ANKS1B: variants seen among roughly 807,000 people sequenced by gnomAD.
The protein encoded by ANKS1B is ankyrin repeat and sterile alpha motif domain-containing protein 1B.
ANKS1B carries 36 observed loss-of-function variants against 148.3 expected under a neutral mutation model. That is an observed-to-expected ratio of 0.24 (90% CI 0.19 to 0.32). The LOEUF (loss-of-function observed/expected upper bound fraction) is 0.32. Among genes scored for constraint, ANKS1B ranks in the 10% least tolerant of loss-of-function variants. The pLI is 1.00. For missense variants in ANKS1B, 1,157 were observed against 1,542.6 expected, an observed-to-expected ratio of 0.75 and a Z score of 4.19; for synonymous variants, 542 against 560.8, an observed-to-expected ratio of 0.97 and a Z score of 0.47.
chr12:99,380,483 A>C (rs922089157), intron 12 of ANKS1B, among the ~76,000 whole-genome samples: 1 of 152,208 alleles, frequency 6.6e-6, no homozygotes, highest in African/African-American at 2.4e-5. Flanking sequence ...GGCATCAAGA[A>C]AGGCAGGAAC....
chr12:99,939,420 G>A (rs951186487), intron 1 of ANKS1B, among the ~76,000 whole-genome samples: 1 of 151,924 alleles, frequency 6.6e-6, no homozygotes, highest in Admixed American at 6.6e-5. Flanking sequence ...TGTAGAGACA[G>A]GGGTCTCACT....
At chr12:99,598,308 A>G (rs1053043930) in intron 9 of ANKS1B, among the ~76,000 whole-genome samples, 2 of 152,106 alleles carry the variant, frequency 1.3e-5, no homozygotes, top group African/African-American at 4.8e-5. Flanking sequence ...CAGTGAAGAG[A>G]CAGTCATAAA....
chr12:99,011,752 C>G (rs1188653733), intron 17 of ANKS1B, among the ~76,000 whole-genome samples: 1 of 152,184 alleles, frequency 6.6e-6, no homozygotes, highest in Non-Finnish European at 1.5e-5. Context: ...TAGTCACAAA[C>G]TGTCAGTAAC....
chr12:99,880,876 G>A (rs77628647), intron 1 of ANKS1B, among the ~76,000 whole-genome samples: 11,880 of 152,248 alleles, frequency 0.078, 546 homozygotes, highest in South Asian at 0.12. Context: ...CTAAAATGGA[G>A]CATGAATACA....
chr12:99,292,740 A>G (rs1233129680), intron 12 of ANKS1B, among the ~76,000 whole-genome samples: 1 of 152,228 alleles, frequency 6.6e-6, no homozygotes, highest in Admixed American at 6.5e-5. Context: ...GCCAACAGAC[A>G]CAAGGAAAAA....
chr12:99,674,053 C>T (rs1463625482), intron 8 of ANKS1B, among the ~76,000 whole-genome samples: 1 of 151,516 alleles, frequency 6.6e-6, no homozygotes, highest in African/African-American at 2.4e-5. Flanking sequence ...TAACAATAAC[C>T]TTAAATAAGA....
chr12:99,221,986 G>A (rs576101862), intron 14 of ANKS1B, among the ~76,000 whole-genome samples: 14 of 151,920 alleles, frequency 9.2e-5, no homozygotes, highest in Non-Finnish European at 8.8e-5. Flanking sequence ...AAATTTTGCA[G>A]GCACATAAAA....
At chr12:99,047,498 T>C (rs566941393) in intron 17 of ANKS1B, among the ~76,000 whole-genome samples, 4 of 152,236 alleles carry the variant, frequency 2.6e-5, no homozygotes, top group African/African-American at 4.8e-5. Flanking sequence ...ACTTCGCACA[T>C]AGAAAACATG....
chr12:98,859,258 A>T (rs1382555947), intron 17 of ANKS1B, among the ~76,000 whole-genome samples: 1 of 152,254 alleles, frequency 6.6e-6, no homozygotes, highest in African/African-American at 2.4e-5. Flanking sequence ...ATGTGATGGT[A>T]TCAGAGCCCA....
intron 1 of ANKS1B, among the ~76,000 whole-genome samples, chr12:99,890,274 T>G (rs774146298): frequency 6.6e-6 from 1 of 152,182 alleles, no homozygotes; most frequent in Non-Finnish European, 1.5e-5. Context: ...AGACTTTTAG[T>G]AAATTAGATT....
At chr12:99,608,027 T>A (rs924302568) in intron 9 of ANKS1B, among the ~76,000 whole-genome samples, 1 of 152,018 alleles carries the variant, frequency 6.6e-6, no homozygotes, top group Admixed American at 6.6e-5. Context: ...CCATTCAAAA[T>A]AACCAGCTGA....
At chr12:98,935,406 C>A (rs2099817644) in intron 17 of ANKS1B, among the ~76,000 whole-genome samples, 1 of 152,112 alleles carries the variant, frequency 6.6e-6, no homozygotes, top group Non-Finnish European at 1.5e-5. Flanking sequence ...TGCATCTATG[C>A]ATATCAGGGA....
At chr12:98,972,889 G>C (rs1302116070) in intron 17 of ANKS1B, among the ~76,000 whole-genome samples, 1 of 152,206 alleles carries the variant, frequency 6.6e-6, no homozygotes, top group Admixed American at 6.5e-5. Context: ...ACAGAGAACA[G>C]AGTAAGAGTG....
intron 8 of ANKS1B, among the ~76,000 whole-genome samples, chr12:99,697,615 A>G (rs1567665606): frequency 6.6e-6 from 1 of 152,134 alleles, no homozygotes; most frequent in Non-Finnish European, 1.5e-5. Context: ...AGACCACAAA[A>G]GGTTTTTAGG....
At chr12:98,997,163 C>T (rs1328903149) in intron 17 of ANKS1B, among the ~76,000 whole-genome samples, 1 of 152,052 alleles carries the variant, frequency 6.6e-6, no homozygotes, top group Admixed American at 6.6e-5. Context: ...CAAAAGTGTA[C>T]CATGTATGCT....
chr12:99,836,435 C>T (rs1443156276), intron 1 of ANKS1B, among the ~76,000 whole-genome samples: 1 of 152,050 alleles, frequency 6.6e-6, no homozygotes, highest in Non-Finnish European at 1.5e-5. Flanking sequence ...ACTAACTAAA[C>T]ATTTTCTGAT....
chr12:99,190,616 C>T (rs1013334223), intron 14 of ANKS1B, among the ~76,000 whole-genome samples: 3 of 151,994 alleles, frequency 2.0e-5, no homozygotes, highest in African/African-American at 7.2e-5. Context: ...TTAATAAATA[C>T]TGCTGGGAAA....
intron 9 of ANKS1B, among the ~76,000 whole-genome samples, chr12:99,635,053 C>A (rs1344881841): frequency 6.6e-6 from 1 of 152,094 alleles, no homozygotes; most frequent in Non-Finnish European, 1.5e-5. Flanking sequence ...ATCAAAACCA[C>A]AAAGAGATGT....
chr12:99,638,249 G>A (rs1476492585), intron 9 of ANKS1B, among the ~76,000 whole-genome samples: 4 of 152,162 alleles, frequency 2.6e-5, no homozygotes, highest in Non-Finnish European at 5.9e-5. Flanking sequence ...CAGAAGACAG[G>A]AAAATGTGGG....
Sources: gnomAD v4.1 joint callset for allele counts (sites outside exome capture counted in the v4.1 genomes callset) on GRCh38, gnomAD v4.1.1 for gene constraint, MANE v1.5 for transcripts, NCBI Gene and HGNC (gene_info 2026-07-23, HGNC 2026-07-21) for gene names.